VAV2: variants seen among roughly 807,000 people sequenced by gnomAD.
VAV2 encodes the protein vav guanine nucleotide exchange factor 2.
A neutral mutation model predicts 132.5 loss-of-function variants in VAV2; 67 were observed. The ratio of observed to expected loss-of-function variants is 0.51; its 90% CI spans 0.42 to 0.62. The LOEUF (loss-of-function observed/expected upper bound fraction) is 0.62. Ranked by LOEUF, VAV2 falls within the 20% of genes least tolerant of loss-of-function variation. The pLI is 0.00. For missense variants in VAV2, 938 were observed against 1,153.6 expected, an observed-to-expected ratio of 0.81 and a Z score of 2.71; for synonymous variants, 492 against 443.5, an observed-to-expected ratio of 1.11 and a Z score of -1.37.
chr9:133,781,861 G>A (rs990474859), intron 19 of VAV2, among the ~76,000 whole-genome samples: 4 of 152,230 alleles, frequency 2.6e-5, no homozygotes, highest in Non-Finnish European at 5.9e-5. Flanking sequence ...ATGGGAGAAT[G>A]CAGACAGCAA....
At chr9:133,909,147 A>G (rs940552585) in intron 2 of VAV2, among the ~76,000 whole-genome samples, 26 of 150,772 alleles carry the variant, frequency 1.7e-4, no homozygotes, top group African/African-American at 6.4e-4. Flanking sequence ...CAGAGGAAGC[A>G]TTTGATGAAG....
intron 2 of VAV2, among the ~76,000 whole-genome samples, chr9:133,902,870 G>A (rs547243476): frequency 6.6e-6 from 1 of 152,250 alleles, no homozygotes; most frequent in African/African-American, 2.4e-5. Context: ...GAGGTCAGGA[G>A]TTCAAGACCA....
intron 2 of VAV2, among the ~76,000 whole-genome samples, chr9:133,925,379 G>A (rs1307457818): frequency 6.6e-6 from 1 of 152,170 alleles, no homozygotes; most frequent in Admixed American, 6.5e-5. Context: ...ACTACATCCT[G>A]CTAATTTTTT....
Position 133,958,364 on chromosome 9 carries a change from G to T in VAV2, c.205-19145C>A, listed in dbSNP as rs1381780518. On this transcript the variant is annotated intron_variant, in intron 1 of 29. Coordinates refer to ENST00000371850, the MANE Select transcript of VAV2 (RefSeq NM_001134398.2). ...GGGAAAAACCGCCTTAGGGCTGGAGGTGGGACCTGCGGGCAGCAATACTGC... is the reference window on the plus strand; with the variant it reads ...GGGAAAAACCGCCTTAGGGCTGGAGTTGGGACCTGCGGGCAGCAATACTGC... Among the ~76,000 whole-genome samples, 24 of 149,410 alleles carry T rather than the reference G, an allele frequency of 1.6e-4. No homozygotes were observed. The Admixed American group carries it at 1.6e-3, about 10-fold the overall frequency.
intron 3 of VAV2, among the ~76,000 whole-genome samples, chr9:133,835,113 T>C (rs920843713): frequency 6.6e-6 from 1 of 152,206 alleles, no homozygotes; most frequent in African/African-American, 2.4e-5. Context: ...TTGAGTCTCA[T>C]TTTTGTGGAA....
rs1287975652 is a variant in VAV2, at chr9:133,802,289, CAT to C, written c.836+3790_836+3791del. On this transcript the variant is annotated intron_variant, in intron 9 of 29. Transcript: ENST00000371850. The surrounding 1 kb of genome is among the most constrained non-coding windows in gnomAD (Gnocchi z 5.8). ...GCACACATGTATGCACACACACACACATGCATGTGCACACAAACACACAAGCA... is the reference window on the plus strand; with the variant it reads ...GCACACATGTATGCACACACACACACGCATGTGCACACAAACACACAAGCA... Among the ~76,000 whole-genome samples, 42 of 148,030 alleles carry C rather than the reference CAT, an allele frequency of 2.8e-4. No individual in the cohort carries two copies. Among genetic ancestry groups the C allele is most frequent in the Non-Finnish European group, 4.6e-4 (31 of 67,668 alleles).
chr9:133,879,640 C>G lies in VAV2; in HGVS notation c.322-18208G>C, dbSNP rs1838406182. ...GCCAAATGCAAATCTAAGCAACAAGCCGCACACACCAGGACGAACAGCACT... is the reference window on the plus strand; with the variant it reads ...GCCAAATGCAAATCTAAGCAACAAGGCGCACACACCAGGACGAACAGCACT... On this transcript the variant is annotated intron_variant, in intron 2 of 29. Coordinates refer to ENST00000371850, the MANE Select transcript of VAV2 (RefSeq NM_001134398.2). The surrounding 1 kb of genome is among the most constrained non-coding windows in gnomAD (Gnocchi z 4.4). 6.6e-6 allele frequency among the ~76,000 whole-genome samples: 1 copy of G among 152,068 alleles called. No individual in the cohort carries two copies. The highest frequency in any genetic ancestry group is 2.4e-5 in the African/African-American group (1 of 41,366).
At chr9:133,853,853 G>A (rs1178745963) in intron 3 of VAV2, among the ~76,000 whole-genome samples, 1 of 152,124 alleles carries the variant, frequency 6.6e-6, no homozygotes, top group Non-Finnish European at 1.5e-5. Flanking sequence ...CCAAGCCCCA[G>A]GGAGGATCCA....
At chr9:133,792,958 T>A (rs998358757) in intron 12 of VAV2, among the ~76,000 whole-genome samples, 9 of 152,106 alleles carry the variant, frequency 5.9e-5, no homozygotes, top group Admixed American at 1.3e-4. Flanking sequence ...CAGCCCTGTG[T>A]GTGGGAGCCA....
At chr9:133,881,527 G>C (rs547703429) in intron 2 of VAV2, among the ~76,000 whole-genome samples, 1 of 152,154 alleles carries the variant, frequency 6.6e-6, no homozygotes, top group Non-Finnish European at 1.5e-5. Flanking sequence ...AGGTGGAGAC[G>C]AGGAACTGAC....
At chr9:133,770,763 T>C (rs537284887) in intron 26 of VAV2, among the ~76,000 whole-genome samples, 3 of 152,308 alleles carry the variant, frequency 2.0e-5, no homozygotes, top group African/African-American at 4.8e-5. Context: ...CAACAGCCTT[T>C]ATAAAGGAAA....
chr9:133,781,621 G>A (rs775040481), intron 19 of VAV2, among the ~76,000 whole-genome samples: 10 of 152,238 alleles, frequency 6.6e-5, no homozygotes, highest in African/African-American at 1.7e-4. Context: ...AACCAGCCTC[G>A]GCAGAGCCCA....
At position 133,907,786 on chromosome 9, in the gene VAV2, C is replaced by T. The variant is rs79577142; in HGVS notation, c.321+31317G>A. Among the ~76,000 whole-genome samples the T allele has an allele frequency of 7.8e-3, 1,193 of 152,332 alleles. 20 individuals are homozygous for T. The highest frequency in any genetic ancestry group is 0.027 in the African/African-American group (1,116 of 41,562). ...AGGCTGAAAGTAACAAAGAGAATGC[C>T]AGTCATTGGCAGTCCAACTGCAGTG... On this transcript the variant is annotated intron_variant, in intron 2 of 29. Coordinates refer to ENST00000371850, the MANE Select transcript of VAV2 (RefSeq NM_001134398.2).
intron 3 of VAV2, among the ~76,000 whole-genome samples, chr9:133,856,500 C>T (rs1467316398): frequency 6.7e-6 from 1 of 150,022 alleles, no homozygotes; most frequent in Non-Finnish European, 1.5e-5. Context: ...CCACTGGGAC[C>T]CCATGCTGAT....
rs1414688677 is a variant in VAV2, at chr9:133,779,939, C to T, written c.1741G>A (p.Asp581Asn). 2.5e-6 allele frequency: 4 copies of T among 1,612,546 alleles called. No individual in the cohort carries two copies. In the East Asian group the frequency reaches 6.7e-5, roughly 27 times the overall value. ...TCACCTGGTCCCGCTCCGGAGGCGT[C>T]CTGTGAGGACAAGGACAGAACACAG... ...PCKFTSPADL[D>N]ASGAGPGPKM... is the part of the protein sequence containing the mutation. The change falls in exon 21 of 30, where the codon GAC becomes AAC. Residue 581 changes from aspartate to asparagine, a missense_variant and splice_region_variant. Transcript: ENST00000371850.
rs753690046 is a variant in VAV2, at chr9:133,804,596, G to A, written c.836+1485C>T. ...CTCCTCCAGGGCTTCAGCCTTTGAC[G>A]GACCTCGAAGCAAACCACGCCTCAT... On this transcript the variant is annotated intron_variant, in intron 9 of 29. Transcript: ENST00000371850. The surrounding 1 kb of genome is among the most constrained non-coding windows in gnomAD (Gnocchi z 4.5). Among the ~76,000 whole-genome samples the A allele has an allele frequency of 1.4e-4, 22 of 152,156 alleles. No homozygotes were observed. Among genetic ancestry groups the A allele is most frequent in the African/African-American group, 1.2e-4 (5 of 41,440 alleles).
At chr9:133,764,682 A>G (rs1185070291) in intron 29 of VAV2, among the ~76,000 whole-genome samples, 1 of 152,246 alleles carries the variant, frequency 6.6e-6, no homozygotes, top group Non-Finnish European at 1.5e-5. Context: ...ACTGTAAGAC[A>G]GGTCACCAGA....
intron 5 of VAV2, among the ~76,000 whole-genome samples, chr9:133,811,392 T>C (rs1835352740): frequency 6.6e-6 from 1 of 152,192 alleles, no homozygotes; most frequent in Non-Finnish European, 1.5e-5. Context: ...TTCTGAGAAA[T>C]TTCCTATTTC....
intron 26 of VAV2, among the ~76,000 whole-genome samples, chr9:133,770,907 C>T (rs1309376190): frequency 6.6e-6 from 1 of 151,976 alleles, no homozygotes; most frequent in Non-Finnish European, 1.5e-5. Context: ...CTTGAAAAGT[C>T]GCCTAAAAAT....
Sources: gnomAD v4.1 joint callset for allele counts (sites outside exome capture counted in the v4.1 genomes callset) on GRCh38, gnomAD v4.1.1 for gene constraint, Gnocchi (gnomAD v3.1) non-coding constraint, MANE v1.5 for transcripts, NCBI Gene and HGNC (gene_info 2026-07-23, HGNC 2026-07-21) for gene names.